MED16: variants seen among roughly 807,000 people sequenced by gnomAD.
MED16 encodes mediator complex subunit 16.
MED16 carries 81 observed loss-of-function variants against 84.4 expected under a neutral mutation model. That is an observed-to-expected ratio of 0.96 (90% confidence interval 0.80 to 1.15). The LOEUF is 1.15. Ranked by LOEUF, MED16 falls within the 50% of genes most tolerant of loss-of-function variation. The pLI, the probability that MED16 is intolerant of heterozygous loss-of-function variation, is 0.00. For synonymous variants in MED16, 897 were observed against 552.2 expected (o/e 1.62, Z -8.76); for missense variants, 1,585 against 1,245.9 (o/e 1.27, Z -4.10).
intron 14 of MED16, 152 bp from the exon 15 acceptor site, chr19:868,651 C>T: frequency 8.4e-7 from 1 of 1,184,516 alleles, no homozygotes; most frequent in Non-Finnish European, 1.2e-6. Context: ...TCTGCCCATG[C>T]TTCTCCTCCC....
In MED16 at chr19:868,923, T is replaced by C. The variant is rs766148301; in HGVS notation, c.2339A>G (p.Asp780Gly). The C allele has an allele frequency of 3.2e-6, 5 of 1,548,070 alleles. No individual in the cohort carries two copies. Among genetic ancestry groups the C allele is most frequent in the Non-Finnish European group, 4.3e-6 (5 of 1,152,380 alleles). ...GCCAAGGTGCAGCCTCCGCAGGTGGTCGATCTTGGGCTGGCCTGGGGCCCT... is the reference window on the plus strand; with the variant it reads ...GCCAAGGTGCAGCCTCCGCAGGTGGCCGATCTTGGGCTGGCCTGGGGCCCT... ...LARAPGQPKI[D>G]HLRRLHLGAC... is the part of the protein sequence containing the mutation. Residue 780 changes from aspartate (D) to glycine (G), a missense_variant, in exon 14 of 16, where the codon GAC becomes GGC. Coordinates refer to ENST00000325464, the MANE Select transcript of MED16 (RefSeq NM_005481.3).
Position 882,704 on chromosome 19 carries a change from C to T in MED16, c.986-990G>A, listed in dbSNP as rs1452012794. Among the ~76,000 whole-genome samples the T allele has an allele frequency of 3.3e-5, 5 of 152,250 alleles. No homozygotes were observed. In the East Asian group the frequency reaches 9.6e-4, roughly 29 times the overall value. On this transcript the variant is annotated intron_variant, in intron 6 of 15. Coordinates refer to ENST00000325464, the MANE Select transcript of MED16 (RefSeq NM_005481.3). Reference sequence around the variant, plus strand: ...GGGAACCAGGAGAGCGCAGCTGAGGCAGCCACAGAAACAGAAACAGTGCAG... The same window carrying T: ...GGGAACCAGGAGAGCGCAGCTGAGGTAGCCACAGAAACAGAAACAGTGCAG...
In MED16 at chr19:873,554, C is replaced by G; in HGVS notation, c.1800G>C (p.Lys600Asn). The G allele has an allele frequency of 6.2e-7, 1 of 1,612,440 alleles. No homozygotes were observed. Among genetic ancestry groups the G allele is most frequent in the Non-Finnish European group, 8.5e-7 (1 of 1,179,718 alleles). ...TCATGTCCAGCACAAATTCCTCCGT[C>G]TTGAGGTTGATCATGACCTTGTCAA... ...VDIDKVMINL[K>N]TEEFVLDMNT... Residue 600 changes from lysine to asparagine, a missense_variant, in exon 11 of 16, where the codon AAG becomes AAC. Physicochemically the swap from Lys to Asn is moderately conservative, Grantham distance 94. Coordinates refer to ENST00000325464, the MANE Select transcript of MED16 (RefSeq NM_005481.3).
intron 6 of MED16, among the ~76,000 whole-genome samples, chr19:884,362 G>A (rs114852161): frequency 1.1e-3 from 166 of 152,248 alleles, no homozygotes; most frequent in African/African-American, 2.9e-3. Flanking sequence ...GGTGCGGGGG[G>A]CCCATCGGGC....
In MED16 at chr19:868,065, C is replaced by A. The variant is rs1330191738; in HGVS notation, c.*36G>T. On this transcript the variant is annotated 3_prime_UTR_variant, in exon 16 of 16. Coordinates refer to ENST00000325464, the MANE Select transcript of MED16 (RefSeq NM_005481.3). ...CAAGGAAACCGAGGAGACGCCCGAG[C>A]CGGGTCACCACAAGGTCCGCCTGGA... The A allele has an allele frequency of 6.4e-7, 1 of 1,569,386 alleles. No homozygotes were observed. Among genetic ancestry groups the A allele is most frequent in the South Asian group, 1.2e-5 (1 of 85,328 alleles).
intron 8 of MED16, among the ~76,000 whole-genome samples, chr19:878,555 C>A: frequency 3.2e-5 from 1 of 31,602 alleles, no homozygotes; most frequent in African/African-American, 1.3e-4. Context: ...CAATGCCCAC[C>A]AGCCCCAGCC....
At chr19:876,136 A>AT (rs907824174) in intron 9 of MED16, among the ~76,000 whole-genome samples, 96 of 149,840 alleles carry the variant, frequency 6.4e-4, no homozygotes, top group East Asian at 4.7e-3. Flanking sequence ...CGTGAATGGG[A>AT]TTTTTTTTTT....
intron 12 of MED16, 125 bp from the exon 13 acceptor site, chr19:871,378 C>T: frequency 7.6e-7 from 1 of 1,319,212 alleles, no homozygotes; most frequent in Non-Finnish European, 1.0e-6. Flanking sequence ...GTCTGCCTGG[C>T]TGGGTGACCC....
chr19:874,502 G>T (rs2036181946), intron 10 of MED16, among the ~76,000 whole-genome samples: 1 of 152,116 alleles, frequency 6.6e-6, no homozygotes, highest in African/African-American at 2.4e-5. Flanking sequence ...AGGACACCAC[G>T]TGCTGGGTGA....
chr19:889,878 C>T (rs928011232), intron 3 of MED16, 71 bp from the exon 4 acceptor site: 71 of 1,500,392 alleles, frequency 4.7e-5, no homozygotes, highest in South Asian at 6.3e-5. Context: ...GACGGCACAG[C>T]GCCTGGGGGA....
chr19:875,524 G>A (rs909496360), intron 9 of MED16, 70 bp from the exon 10 acceptor site: 13 of 1,308,966 alleles, frequency 9.9e-6, no homozygotes, highest in Non-Finnish European at 1.0e-5. Context: ...CAGCTGAGGA[G>A]AAGAGCAGTT....
At position 875,364 on chromosome 19, in the gene MED16, G is replaced by C. The variant is rs148896515; in HGVS notation, c.1651C>G (p.Leu551Val). 2.6e-4 allele frequency: 414 copies of C among 1,610,124 alleles called. 1 individual carries two copies. The highest frequency in any genetic ancestry group is 3.4e-4 in the Non-Finnish European group (400 of 1,179,760). The change falls in exon 10 of 16, where the codon CTC becomes GTC. Residue 551 changes from leucine (L) to valine (V), a missense_variant. Physicochemically the swap from Leu to Val is conservative, Grantham distance 32. Coordinates refer to ENST00000325464, the MANE Select transcript of MED16 (RefSeq NM_005481.3). ...GTGGAGCTGATGGCGATGAGGAAGA[G>C]CTTGGTGTGGTAGTCGCACACGCGG... is the stretch of plus-strand genomic sequence containing the variant. Reference protein sequence around the residue: ...VTRVCDYHTKLFLIAISSTLK... With the variant: ...VTRVCDYHTKVFLIAISSTLK...
intron 8 of MED16, among the ~76,000 whole-genome samples, chr19:877,607 C>A (rs2036282479): frequency 2.2e-5 from 2 of 89,820 alleles, no homozygotes; most frequent in South Asian, 2.7e-4. Flanking sequence ...CACCTGTGGT[C>A]CCTTCCCCCG....
chr19:872,352 G>A (rs1011018908), intron 11 of MED16, among the ~76,000 whole-genome samples: 3 of 152,010 alleles, frequency 2.0e-5, no homozygotes, highest in Non-Finnish European at 4.4e-5. Flanking sequence ...ATCCCTGAGA[G>A]TCCACAAGAC....
At chr19:871,781 A>C (rs984135679) in intron 12 of MED16, 145 bp downstream of exon 12, 1,888 of 160,544 alleles carry the variant, frequency 0.012, 8 homozygotes, top group Middle Eastern at 0.02. Flanking sequence ...GAGAGGGGAG[A>C]GGGGAGAGCG....
intron 4 of MED16, among the ~76,000 whole-genome samples, chr19:889,019 C>A (rs1273929313): frequency 6.6e-6 from 1 of 151,036 alleles, no homozygotes; most frequent in East Asian, 1.9e-4. Context: ...CCCAGGTGCC[C>A]CCCCAACCCT....
chr19:882,891 G>A (rs2036449019), intron 6 of MED16, among the ~76,000 whole-genome samples: 1 of 152,328 alleles, frequency 6.6e-6, no homozygotes, highest in East Asian at 1.9e-4. Context: ...TAGGGGTCCT[G>A]TGAGCAGCAT....
intron 3 of MED16, 149 bp downstream of exon 3, chr19:889,988 G>A (rs968183102): frequency 7.3e-6 from 6 of 822,850 alleles, no homozygotes; most frequent in African/African-American, 3.4e-5. Flanking sequence ...AGAATGATTC[G>A]GGCCACTATG....
At chr19:868,319 C>G (rs752004209) in intron 15 of MED16, 68 bp from the exon 16 acceptor site, 215 of 1,577,362 alleles carry the variant, frequency 1.4e-4, no homozygotes, top group Non-Finnish European at 1.8e-4. Flanking sequence ...TTGCAGCAGC[C>G]GGGCTCAGGG....
Sources: allele counts gnomAD v4.1 joint callset (sites outside exome capture counted in the v4.1 genomes callset), GRCh38; gene constraint gnomAD v4.1.1; transcripts MANE v1.5; gene names NCBI Gene and HGNC (gene_info 2026-07-23, HGNC 2026-07-21).